Variants in TP53BP1 observed in about 807,000 individuals in gnomAD.
TP53BP1 encodes tumor protein p53 binding protein 1, also known as TP53-binding protein 1.
A neutral mutation model predicts 200.8 loss-of-function variants in TP53BP1; 61 were observed. The ratio of observed to expected loss-of-function variants is 0.30; its 90% CI spans 0.25 to 0.38. The LOEUF is 0.38. Among genes scored for constraint, TP53BP1 ranks in the 10% least tolerant of loss-of-function variants. The pLI, the probability that TP53BP1 is intolerant of heterozygous loss-of-function variation, is 1.00. For missense variants in TP53BP1, 2,144 were observed against 2,371.9 expected (o/e 0.90, Z 2.00); for synonymous variants, 822 against 844.3 (o/e 0.97, Z 0.46).
chr15:43,420,400 T>A lies in TP53BP1; in HGVS notation c.4586A>T (p.Glu1529Val). 6.2e-7 allele frequency: 1 copy of A among 1,614,170 alleles called. No homozygotes were observed. Among genetic ancestry groups the A allele is most frequent in the Non-Finnish European group, 8.5e-7 (1 of 1,180,032 alleles). ...AATGTCTTTGCCCAACACATCACAT[T>A]CGTACCCATCATCAAAGAGCAATTT... ...KYKLLFDDGY[E>V]CDVLGKDILL... The change falls in exon 21 of 28, where the codon GAA becomes GTA. Residue 1529 changes from glutamate to valine, a missense_variant. By Grantham distance (121) the Glu-to-Val change is moderately radical. This residue lies in a region of TP53BP1 where 61 missense variants were observed against 147.5 expected (regional missense o/e 0.41). Coordinates refer to ENST00000382044, the MANE Select transcript of TP53BP1 (RefSeq NM_001141980.3).
chr15:43,496,864 G>A (rs1353156369), upstream of TP53BP1, among the ~76,000 whole-genome samples: 3 of 152,080 alleles, frequency 2.0e-5, no homozygotes, highest in East Asian at 3.9e-4. Context: ...CAGGTGATCC[G>A]CCCACCTCAG....
Position 43,447,410 on chromosome 15 carries a change from A to G in TP53BP1, c.2792T>C (p.Ile931Thr), listed in dbSNP as rs1257982241. The G allele has an allele frequency of 2.5e-6, 4 of 1,606,618 alleles. No individual in the cohort carries two copies. Among genetic ancestry groups the G allele is most frequent in the East Asian group, 2.2e-5 (1 of 44,586 alleles). ...PPLTGATPPL[I>T]GHLKLEPKRH... is the part of the protein sequence containing the mutation. ...CTTGGGCTCCAATTTTAGGTGCCCAATAAGAGGTGGGGTTGCACCAGTCAA... is the reference window on the plus strand; with the variant it reads ...CTTGGGCTCCAATTTTAGGTGCCCAGTAAGAGGTGGGGTTGCACCAGTCAA... The change falls in exon 13 of 28, where the codon ATT becomes ACT. Residue 931 changes from isoleucine (I) to threonine (T), a missense_variant. Ile to Thr is a moderately conservative substitution (Grantham distance 89). Around this residue, in one of 4 missense-constraint regions of TP53BP1, gnomAD observed 1,700 missense variants for 1,710.3 expected, o/e 0.99. Coordinates refer to ENST00000382044, the MANE Select transcript of TP53BP1 (RefSeq NM_001141980.3).
At chr15:43,501,305 C>G (rs2079208283) in intron 1 of TP53BP1, among the ~76,000 whole-genome samples, 1 of 151,688 alleles carries the variant, frequency 6.6e-6, no homozygotes, top group Non-Finnish European at 1.5e-5. Flanking sequence ...GGGCTCAGCT[C>G]CTGGGCTCAA....
At chr15:43,428,307 C>T (rs2045596555) in intron 17 of TP53BP1, 139 bp from the exon 18 acceptor site, 1 of 745,002 alleles carries the variant, frequency 1.3e-6, no homozygotes, top group Middle Eastern at 2.4e-4. Flanking sequence ...TTTGTTTTAT[C>T]CACCTATAGG....
intron 26 of TP53BP1, chr15:43,408,671 A>G: frequency 1.9e-6 from 1 of 536,622 alleles, no homozygotes; most frequent in Non-Finnish European, 3.4e-6. Flanking sequence ...CAGGTTGAGA[A>G]TATTGAACCT....
chr15:43,470,770 T>C (rs1452376888), intron 10 of TP53BP1, among the ~76,000 whole-genome samples: 1 of 152,194 alleles, frequency 6.6e-6, no homozygotes, highest in Admixed American at 6.5e-5. Flanking sequence ...AAGTATTTGA[T>C]TCATCATTTG....
In TP53BP1 at chr15:43,446,479, G is replaced by C; in HGVS notation, c.2948C>G (p.Ala983Gly). 10 of 1,614,150 alleles carry C rather than the reference G, an allele frequency of 6.2e-6. No individual in the cohort carries two copies. The highest frequency in any genetic ancestry group is 8.5e-6 in the Non-Finnish European group (10 of 1,180,020). The change falls in exon 14 of 28, where the codon GCC becomes GGC. Residue 983 changes from alanine (A) to glycine (G), a missense_variant. Physicochemically the swap from Ala to Gly is moderately conservative, Grantham distance 60. Transcript: ENST00000382044. ...ACATAATTTATCATCCACGTCTGGG[G>C]CAGCCCCAGAATCCCCTTTTCCACT... is the stretch of plus-strand genomic sequence containing the variant. The part of the protein sequence containing the change: ...LGSGKGDSGA[A>G]PDVDDKLCLR...
intron 11 of TP53BP1, among the ~76,000 whole-genome samples, chr15:43,459,057 G>C (rs1230377198): frequency 6.6e-6 from 1 of 152,268 alleles, no homozygotes; most frequent in East Asian, 1.9e-4. Flanking sequence ...GTGCATGCTG[G>C]CCAGGCACAG....
At chr15:43,447,508 A>T in intron 12 of TP53BP1, 23 bp from the exon 13 acceptor site, 1 of 1,473,410 alleles carries the variant, frequency 6.8e-7, no homozygotes, top group South Asian at 1.4e-5. Flanking sequence ...AAAAAAAGAA[A>T]AAAGAAAGAA....
Position 43,477,644 on chromosome 15 carries a change from G to T in TP53BP1, c.904C>A (p.Pro302Thr). 6.2e-7 allele frequency: 1 copy of T among 1,613,800 alleles called. No individual in the cohort carries two copies. Among genetic ancestry groups the T allele is most frequent in the South Asian group, 1.1e-5 (1 of 91,018 alleles). Residue 302 changes from proline (P) to threonine (T), a missense_variant, in exon 8 of 28, where the codon CCT (proline) becomes ACT (threonine). Pro to Thr is a conservative substitution (Grantham distance 38). Coordinates refer to ENST00000382044, the MANE Select transcript of TP53BP1 (RefSeq NM_001141980.3). ...SGLQIQKSPE[P>T]EVLSTQEDLF... ...TCTTCCTGAGTTGACAAAACCTCAGGCTCTGGTGACTTCTGAATCTGCAGT... is the reference window on the plus strand; with the variant it reads ...TCTTCCTGAGTTGACAAAACCTCAGTCTCTGGTGACTTCTGAATCTGCAGT...
chr15:43,449,312 G>C (rs2046114074), intron 12 of TP53BP1, among the ~76,000 whole-genome samples: 1 of 152,118 alleles, frequency 6.6e-6, no homozygotes, highest in Non-Finnish European at 1.5e-5. Flanking sequence ...ACTTAGAAGA[G>C]ATACAGAAAC....
intron 4 of TP53BP1, among the ~76,000 whole-genome samples, chr15:43,489,637 G>A (rs1429512673): frequency 1.3e-5 from 2 of 152,188 alleles, no homozygotes; most frequent in Non-Finnish European, 2.9e-5. Context: ...GAGGCTGACT[G>A]CTACTCATAA....
At position 43,406,503 on chromosome 15, in the gene TP53BP1, T is replaced by C. The variant is rs952869951; in HGVS notation, c.*880A>G. On this transcript the variant is annotated 3_prime_UTR_variant, in exon 28 of 28. Coordinates refer to ENST00000382044, the MANE Select transcript of TP53BP1 (RefSeq NM_001141980.3). Reference sequence around the variant, plus strand: ...GCCATGCCCATTTGTTTACTCATTGTCTATGGTTGCTTTCATGCCCTCACA... The same window carrying C: ...GCCATGCCCATTTGTTTACTCATTGCCTATGGTTGCTTTCATGCCCTCACA... 4.5e-6 allele frequency: 2 copies of C among 443,054 alleles called. No homozygotes were observed. The highest frequency in any genetic ancestry group is 2.0e-5 in the African/African-American group (1 of 49,542). 27.4% of individuals were successfully genotyped at this position (443,054 alleles called of 1,614,324 possible).
intron 11 of TP53BP1, among the ~76,000 whole-genome samples, chr15:43,466,205 G>A (rs940766847): frequency 5.9e-5 from 9 of 152,158 alleles, no homozygotes; most frequent in African/African-American, 1.9e-4. Context: ...GGATGACAGT[G>A]AACGGAGGTT....
chr15:43,426,886 C>T (rs1012450843), intron 18 of TP53BP1, among the ~76,000 whole-genome samples: 5 of 151,344 alleles, frequency 3.3e-5, no homozygotes, highest in South Asian at 4.2e-4. Context: ...GGCACGGTGG[C>T]GGGTGCCTGC....
At chr15:43,441,362 A>G in intron 15 of TP53BP1, 164 bp downstream of exon 15, 1 of 535,128 alleles carries the variant, frequency 1.9e-6, no homozygotes, top group Non-Finnish European at 3.3e-6. Context: ...TTAAAAAAGT[A>G]TTAACTAAAA....
chr15:43,431,648 T>G (rs901322084), intron 17 of TP53BP1, among the ~76,000 whole-genome samples: 1 of 152,200 alleles, frequency 6.6e-6, no homozygotes, highest in African/African-American at 2.4e-5. Context: ...TTCTTCACAT[T>G]AGCTTCTAGT....
intron 18 of TP53BP1, 93 bp downstream of exon 18, chr15:43,427,923 T>C (rs1014783849): frequency 2.5e-4 from 225 of 904,862 alleles, no homozygotes; most frequent in Non-Finnish European, 3.4e-4. Flanking sequence ...CGCAACTGCA[T>C]TCCAGCCTAG....
In TP53BP1 at chr15:43,406,002, T is replaced by G. The variant is rs999138672; in HGVS notation, c.*1381A>C. 1 of 134,558 alleles carries G rather than the reference T, an allele frequency of 7.4e-6. No homozygotes were observed. Among genetic ancestry groups the G allele is most frequent in the Non-Finnish European group, 1.5e-5 (1 of 66,308 alleles). The allele number at this position is 134,558 out of a possible 1,614,324, so 8.3% of individuals were successfully genotyped here. A position where few individuals can be genotyped will look rare whatever the true frequency, so the allele number is the denominator to read the frequency against. On this transcript the variant is annotated 3_prime_UTR_variant, in exon 28 of 28. Transcript: ENST00000382044. ...CTGCAGTGAGCTGAGATTGTGCCAT[T>G]GCATTCCAGCCCGGGCAACAAGAGC...
Sources: gnomAD v4.1 joint callset for allele counts (sites outside exome capture counted in the v4.1 genomes callset) on GRCh38, gnomAD v4.1.1 for gene constraint, gnomAD v4.1.1 regional missense constraint, MANE v1.5 for transcripts, NCBI Gene and HGNC (gene_info 2026-07-23, HGNC 2026-07-21) for gene names.